UBR3: variants seen among roughly 807,000 people sequenced by gnomAD.
UBR3 encodes the protein ubiquitin protein ligase E3 component n-recognin 3.
In UBR3, 85 loss-of-function variants were observed where a neutral mutation model predicts 243.2. The ratio of observed to expected loss-of-function variants is 0.35; its 90% CI spans 0.29 to 0.42. UBR3 has a LOEUF of 0.42. Among genes scored for constraint, UBR3 ranks in the 10% least tolerant of loss-of-function variants. UBR3 has a pLI of 1.00. For synonymous variants in UBR3, 748 were observed against 799.8 expected (o/e 0.94, Z 1.09); for missense variants, 1,686 against 2,300.8 (o/e 0.73, Z 5.47).
intron 22 of UBR3, among the ~76,000 whole-genome samples, chr2:169,948,918 A>G (rs2086895852): frequency 6.6e-6 from 1 of 152,004 alleles, no homozygotes; most frequent in Admixed American, 6.6e-5. Flanking sequence ...TTTAAAAAAA[A>G]AACTGTTCAA....
chr2:170,050,836 G>A (rs1417070440), intron 32 of UBR3, among the ~76,000 whole-genome samples: 4 of 152,182 alleles, frequency 2.6e-5, no homozygotes, highest in Non-Finnish European at 5.9e-5. Context: ...AAATGAACAA[G>A]TGAATATGAG....
At chr2:169,910,117 G>T (rs1020197679) in intron 10 of UBR3, among the ~76,000 whole-genome samples, 2 of 152,120 alleles carry the variant, frequency 1.3e-5, no homozygotes, top group African/African-American at 4.8e-5. Context: ...TGAATAGGCA[G>T]TTGGATATAT....
chr2:169,873,406 T>G (rs1307850611), intron 2 of UBR3, among the ~76,000 whole-genome samples: 1 of 152,210 alleles, frequency 6.6e-6, no homozygotes. Flanking sequence ...GCATGGTGTT[T>G]CATACCTGTA....
intron 31 of UBR3, among the ~76,000 whole-genome samples, chr2:170,033,516 A>G (rs2090735144): frequency 7.2e-6 from 1 of 139,610 alleles, no homozygotes; most frequent in Non-Finnish European, 1.5e-5. Flanking sequence ...CTATCATTGT[A>G]TGCTTCTTTT....
At chr2:170,081,691 A>G (rs995743750) in intron 38 of UBR3, 35 bp from the exon 39 acceptor site, 2 of 1,457,428 alleles carry the variant, frequency 1.4e-6, no homozygotes, top group Non-Finnish European at 1.9e-6. Flanking sequence ...TCTTCCGTGT[A>G]TGATATTAAT....
chr2:170,006,958 T>G, intron 27 of UBR3, 32 bp from the exon 28 acceptor site: 2 of 1,599,330 alleles, frequency 1.3e-6, no homozygotes, highest in Non-Finnish European at 1.7e-6. Flanking sequence ...AATGTGTATA[T>G]CACGCATCTG....
chr2:170,067,847 G>A (rs918679254), intron 35 of UBR3, among the ~76,000 whole-genome samples: 1 of 148,446 alleles, frequency 6.7e-6, no homozygotes, highest in African/African-American at 2.5e-5. Context: ...TCAGCTGACT[G>A]CAACCTCTGC....
At chr2:169,893,371 T>C (rs534474405) in intron 6 of UBR3, among the ~76,000 whole-genome samples, 14 of 152,366 alleles carry the variant, frequency 9.2e-5, no homozygotes, top group Non-Finnish European at 1.9e-4. Context: ...ATTTGCCTAA[T>C]GCAGGCTTGC....
chr2:169,994,201 TA>T, intron 25 of UBR3, 121 bp from the exon 26 acceptor site: 1 of 1,201,402 alleles, frequency 8.3e-7, no homozygotes, highest in East Asian at 2.4e-5. Flanking sequence ...GAGGGGTCTT[TA>T]AAAATATTCT....
intron 20 of UBR3, 98 bp downstream of exon 20, chr2:169,942,732 C>A: frequency 8.3e-7 from 1 of 1,199,836 alleles, no homozygotes; most frequent in Non-Finnish European, 1.1e-6. Flanking sequence ...ACTTATAAAG[C>A]AAAGTGTATT....
chr2:169,990,880 T>C (rs2089246610), intron 25 of UBR3, among the ~76,000 whole-genome samples: 3 of 152,034 alleles, frequency 2.0e-5, no homozygotes. Flanking sequence ...TTTTTAAAGT[T>C]AATAATTACT....
chr2:169,993,291 TA>T (rs1345036644), intron 25 of UBR3, among the ~76,000 whole-genome samples: 1 of 152,230 alleles, frequency 6.6e-6, no homozygotes, highest in Non-Finnish European at 1.5e-5. Flanking sequence ...AATTAATGTA[TA>T]TACCACTTTA....
intron 27 of UBR3, 99 bp downstream of exon 27, chr2:170,001,513 GTGATTTTGA>G (rs2089694606): frequency 1.4e-6 from 1 of 701,200 alleles, no homozygotes; most frequent in Admixed American, 2.4e-5. Context: ...ATCTTTTTAG[GTGATTTTGA>G]TCATCGTATA....
At chr2:169,863,440 T>C (rs1249707757) in intron 1 of UBR3, among the ~76,000 whole-genome samples, 1 of 152,242 alleles carries the variant, frequency 6.6e-6, no homozygotes, top group Non-Finnish European at 1.5e-5. Context: ...TCTAGTATTT[T>C]TTTAGTTCTA....
At chr2:169,957,415 A>T (rs1040134668) in intron 23 of UBR3, among the ~76,000 whole-genome samples, 1 of 152,040 alleles carries the variant, frequency 6.6e-6, no homozygotes. Flanking sequence ...CTTCGTAGGG[A>T]CATGGATGAA....
intron 1 of UBR3, among the ~76,000 whole-genome samples, chr2:169,856,749 G>C (rs1191206021): frequency 6.6e-6 from 1 of 151,848 alleles, no homozygotes; most frequent in East Asian, 2.0e-4. Context: ...GGAGAATCAG[G>C]CAGGGAGGTT....
In UBR3 at chr2:169,939,502, C is replaced by T. The variant is rs566560177; in HGVS notation, c.2664-2991C>T. Among the ~76,000 whole-genome samples, 237 of 151,120 alleles carry T rather than the reference C, an allele frequency of 1.6e-3. 4 individuals carry two copies. Among genetic ancestry groups the T allele is most frequent in the Admixed American group, 0.015 (230 of 15,134 alleles). On this transcript the variant is annotated intron_variant, in intron 19 of 38. Transcript: ENST00000272793. ...CAGGATGGTCTCGATCTCCTGACCT[C>T]GTGATCCGCCCACCTCAGTCTCCCA...
chr2:170,050,862 T>C (rs1000974619), intron 32 of UBR3, among the ~76,000 whole-genome samples: 1 of 152,196 alleles, frequency 6.6e-6, no homozygotes, highest in African/African-American at 2.4e-5. Flanking sequence ...AAGCCTTGAC[T>C]TTAAATTGCC....
intron 1 of UBR3, among the ~76,000 whole-genome samples, chr2:169,853,453 C>G (rs112220819): frequency 7.4e-6 from 1 of 135,624 alleles, no homozygotes; most frequent in African/African-American, 2.6e-5. Context: ...TTTCTTCTTC[C>G]TCTTCTTTTT....
Sources: gnomAD v4.1 joint callset for allele counts (sites outside exome capture counted in the v4.1 genomes callset) on GRCh38, gnomAD v4.1.1 for gene constraint, MANE v1.5 for transcripts, NCBI Gene and HGNC (gene_info 2026-07-23, HGNC 2026-07-21) for gene names.